The following CYP46A1 variants were observed in gnomAD, a reference collection of about 807,000 sequenced individuals.
CYP46A1 encodes the protein cholesterol 24-hydroxylase.
Under a neutral mutation model 63.3 loss-of-function variants are expected in CYP46A1, and 20 were observed. The observed-to-expected ratio is 0.32, with a 90% CI of 0.22 to 0.46. The LOEUF is 0.46. CYP46A1 is among the 20% of genes least tolerant of loss of function. CYP46A1 has a pLI of 1.00. For synonymous variants in CYP46A1, 268 were observed against 273.6 expected (o/e 0.98, Z 0.20); for missense variants, 445 against 670.8 (o/e 0.66, Z 3.72).
chr14:99,718,354 G>A (rs1230751221), intron 10 of CYP46A1, among the ~76,000 whole-genome samples: 3 of 152,094 alleles, frequency 2.0e-5, no homozygotes, highest in Non-Finnish European at 4.4e-5. Flanking sequence ...ATCCCTAAAG[G>A]AGCCACCCCA....
chr14:99,714,894 G>A (rs1019849860), intron 7 of CYP46A1, among the ~76,000 whole-genome samples: 3 of 152,150 alleles, frequency 2.0e-5, no homozygotes, highest in Admixed American at 6.6e-5. Context: ...AGTGAAACAA[G>A]GCAAGACCAG....
At chr14:99,721,744 C>CCAGGGAGAAGGGGAAG (rs2056848459) in intron 11 of CYP46A1, among the ~76,000 whole-genome samples, 1 of 152,042 alleles carries the variant, frequency 6.6e-6, no homozygotes, top group African/African-American at 2.4e-5. Context: ...CCATTGTGGC[C>CCAGGGAGAAGGGGAAG]TTGCACACTC....
At chr14:99,713,849 G>A (rs1474455963) in intron 7 of CYP46A1, among the ~76,000 whole-genome samples, 2 of 128,914 alleles carry the variant, frequency 1.6e-5, no homozygotes, top group African/African-American at 6.1e-5. Context: ...ATGGCTGACA[G>A]AGTGAGACTC....
At position 99,727,167 on chromosome 14, in the gene CYP46A1, G is replaced by A. The variant is rs15066; in HGVS notation, c.*440G>A. On this transcript the variant is annotated 3_prime_UTR_variant, in exon 15 of 15. Transcript: ENST00000261835. ...TGACCACACTGTATCGTGAGTGTCC[G>A]TTGACGTGACCAATTGCCCTGCCAG... 6.5e-5 allele frequency: 11 copies of A among 168,372 alleles called. No individual in the cohort carries two copies. The East Asian group carries it at 9.8e-4, about 15-fold the overall frequency. 10.4% of individuals were successfully genotyped at this position (168,372 alleles called of 1,614,324 possible). A position where few individuals can be genotyped will look rare whatever the true frequency, so the allele number is the denominator to read the frequency against.
At chr14:99,715,674 T>A (rs2056781731) in intron 7 of CYP46A1, 136 bp from the exon 8 acceptor site, 4 of 1,164,390 alleles carry the variant, frequency 3.4e-6, no homozygotes, top group Non-Finnish European at 4.9e-6. Flanking sequence ...GGCTGCTTCA[T>A]CTTTTCTAGA....
intron 1 of CYP46A1, among the ~76,000 whole-genome samples, chr14:99,688,962 C>A (rs1054765533): frequency 6.6e-6 from 1 of 152,232 alleles, no homozygotes; most frequent in Non-Finnish European, 1.5e-5. Flanking sequence ...TCCCTCCTCC[C>A]CAGTGCTCCC....
rs982956449 is a variant in CYP46A1, at chr14:99,707,662, G to A, written c.677G>A (p.Arg226His). 5 of 1,613,930 alleles carry A rather than the reference G, an allele frequency of 3.1e-6. No homozygotes were observed. Among genetic ancestry groups the A allele is most frequent in the Non-Finnish European group, 4.2e-6 (5 of 1,179,954 alleles). The change falls in exon 7 of 15, where the codon CGC becomes CAC. Residue 226 changes from arginine to histidine, a missense_variant. Arg to His is a conservative substitution (Grantham distance 29, BLOSUM62 0). This residue lies in a region of CYP46A1 where 252 missense variants were observed against 383.3 expected (regional missense o/e 0.66). Coordinates refer to ENST00000261835, the MANE Select transcript of CYP46A1 (RefSeq NM_006668.2). Reference sequence around the variant, plus strand: ...ATGTTGGAGGGAATCACTGCGTCCCGCAACACTCTGGCAAAGGTACTGCCT... The same window carrying A: ...ATGTTGGAGGGAATCACTGCGTCCCACAACACTCTGGCAAAGGTACTGCCT... ...KLMLEGITAS[R>H]NTLAKFLPGK...
In CYP46A1 at chr14:99,726,263, G is replaced by A; in HGVS notation, c.1332+7G>A. 2 of 1,613,104 alleles carry A rather than the reference G, an allele frequency of 1.2e-6. No homozygotes were observed. Among genetic ancestry groups the A allele is most frequent in the Non-Finnish European group, 1.7e-6 (2 of 1,179,854 alleles). The stretch of plus-strand genomic sequence containing the variant: ...CGGGCAGCAGTTTGCTCAGGTAGGA[G>A]GGGCAGGGCTGTGGTTCTGCCCAGG... On this transcript the variant is annotated splice_region_variant and intron_variant, in intron 14 of 14. Transcript: ENST00000261835.
intron 3 of CYP46A1, among the ~76,000 whole-genome samples, chr14:99,698,888 G>C (rs2056607327): frequency 6.6e-6 from 1 of 152,188 alleles, no homozygotes; most frequent in Non-Finnish European, 1.5e-5. Flanking sequence ...TCACAATCCT[G>C]CACTGCCTGT....
rs981815403 is a variant in CYP46A1 at position 99,726,739 on chromosome 14, G to C, written c.*12G>C. 19 of 1,508,208 alleles carry C rather than the reference G, an allele frequency of 1.3e-5. No homozygotes were observed. In the Admixed American group the frequency reaches 4.2e-4, roughly 33 times the overall value. The allele number at this position is 1,508,208 out of a possible 1,614,324, so 93.4% of individuals were successfully genotyped here. ...CACCCCCCTGCTGAGGGGGCCTCCA[G>C]GCAGGACGAGACTCCTCGGGCAAGG... On this transcript the variant is annotated 3_prime_UTR_variant, in exon 15 of 15. Transcript: ENST00000261835.
intron 7 of CYP46A1, chr14:99,708,037 C>T: frequency 7.1e-6 from 2 of 282,426 alleles, no homozygotes; most frequent in Non-Finnish European, 1.4e-5. Flanking sequence ...GCGAAAGGTG[C>T]ACCCTGCCTG....
rs10600179 is a variant in CYP46A1, at chr14:99,722,644, C to CGTGTGTGTGTGTGTGTGTGTGTGTGTGT, written c.1176+586_1176+613dup. The stretch of plus-strand genomic sequence containing the variant: ...ATCTGAATTGTGTGTTTGCCATTCC[C>CGTGTGTGTGTGTGTGTGTGTGTGTGTGT]GTGTGTGTGTGTGTGTGTGTGTGTG... On this transcript the variant is annotated intron_variant, in intron 12 of 14. Transcript: ENST00000261835. This position sits in a 1 kb window ranked among gnomAD's most constrained non-coding sequence, Gnocchi z 4.6. Among the ~76,000 whole-genome samples the CGTGTGTGTGTGTGTGTGTGTGTGTGTGT allele has an allele frequency of 2.1e-5, 3 of 142,260 alleles. No individual in the cohort carries two copies. The highest frequency in any genetic ancestry group is 2.5e-5 in the African/African-American group (1 of 39,242). The allele number at this position is 142,260 out of a possible 152,430, so 93.3% of individuals were successfully genotyped here.
At chr14:99,695,483 A>G (rs763869735) in intron 3 of CYP46A1, 2 of 413,048 alleles carry the variant, frequency 4.8e-6, no homozygotes, top group South Asian at 3.6e-5. Context: ...AGGTGTGTAC[A>G]CATTTAGGAT....
Position 99,726,821 on chromosome 14 carries a change from C to A in CYP46A1, c.*94C>A. The A allele has an allele frequency of 1.9e-6, 2 of 1,059,022 alleles. No homozygotes were observed. The highest frequency in any genetic ancestry group is 3.2e-4 in the Middle Eastern group (1 of 3,108). 65.6% of individuals were successfully genotyped at this position (1,059,022 alleles called of 1,614,324 possible). On this transcript the variant is annotated 3_prime_UTR_variant, in exon 15 of 15. Coordinates refer to ENST00000261835, the MANE Select transcript of CYP46A1 (RefSeq NM_006668.2). ...CACCCACCCTTCTCCCCTGCCCCGT[C>A]CCCTGGGCCACCCTTCACGCTGGCT...
At chr14:99,698,221 C>G (rs573992431) in intron 3 of CYP46A1, among the ~76,000 whole-genome samples, 3 of 152,178 alleles carry the variant, frequency 2.0e-5, no homozygotes, top group East Asian at 3.9e-4. Context: ...GCCCAGAGGG[C>G]AGGCCTCTGG....
In CYP46A1 at chr14:99,719,378, A is replaced by ATTTTTTTTTTTT. The variant is rs55679517; in HGVS notation, c.980+1254_980+1265dup. Among the ~76,000 whole-genome samples, 551 of 142,442 alleles carry ATTTTTTTTTTTT rather than the reference A, an allele frequency of 3.9e-3. 7 individuals carry two copies. The highest frequency in any genetic ancestry group is 0.014 in the African/African-American group (525 of 37,294). The allele number at this position is 142,442 out of a possible 152,430, so 93.4% of individuals were successfully genotyped here. A position where few individuals can be genotyped will look rare whatever the true frequency, so the allele number is the denominator to read the frequency against. The stretch of plus-strand genomic sequence containing the variant: ...AGGTGTGCACCACCACACCTGGCTA[A>ATTTTTTTTTTTT]TTTTTTTTTTTTTGTGTATTTTTAG... On this transcript the variant is annotated intron_variant, in intron 10 of 14. Transcript: ENST00000261835.
chr14:99,716,564 G>T (rs1487121147), intron 9 of CYP46A1, among the ~76,000 whole-genome samples: 1 of 152,202 alleles, frequency 6.6e-6, no homozygotes, highest in Non-Finnish European at 1.5e-5. Context: ...CCTGAACATG[G>T]TTCTTCACCT....
chr14:99,685,478 CCACCTGTTGACTGTCTGTT>C (rs796599674), intron 1 of CYP46A1, among the ~76,000 whole-genome samples: 8 of 151,810 alleles, frequency 5.3e-5, no homozygotes, highest in African/African-American at 1.5e-4. Flanking sequence ...TACCTTCTTT[CCACCTGTTGACTGTCTGTT>C]CACCTGTTGA....
intron 7 of CYP46A1, chr14:99,712,372 A>G (rs1173295075): frequency 6.6e-6 from 1 of 152,224 alleles, no homozygotes; most frequent in Non-Finnish European, 1.5e-5. Flanking sequence ...TGCAGAAGAC[A>G]TGATCTTATA....
Sources: gnomAD v4.1 joint callset for allele counts (sites outside exome capture counted in the v4.1 genomes callset) on GRCh38, gnomAD v4.1.1 for gene constraint, gnomAD v4.1.1 regional missense constraint, Gnocchi (gnomAD v3.1) non-coding constraint, MANE v1.5 for transcripts, NCBI Gene and HGNC (gene_info 2026-07-23, HGNC 2026-07-21) for gene names.